The following PRDM11 variants were observed in gnomAD, a reference collection of about 807,000 sequenced individuals.
PRDM11 encodes PR/SET domain 11.
A neutral mutation model predicts 97.8 loss-of-function variants in PRDM11; 20 were observed. The ratio of observed to expected loss-of-function variants is 0.20; its 90% CI spans 0.14 to 0.30. The LOEUF is 0.30. Among genes scored for constraint, PRDM11 ranks in the 10% least tolerant of loss-of-function variants. The pLI is 1.00. For missense variants in PRDM11, 1,139 were observed against 1,555.2 expected (o/e 0.73, Z 4.50); for synonymous variants, 599 against 637.7 (o/e 0.94, Z 0.91).
In PRDM11 at chr11:45,227,266, A is replaced by G. The variant is rs555205581; in HGVS notation, c.2641A>G (p.Ile881Val). ...FLMDYQSIKL[I>V]YFLLDVIAVL... Reference sequence around the variant, plus strand: ...CATGGACTACCAGTCCATCAAGCTCATCTACTTCCTGCTGGACGTGATTGC... The same window carrying G: ...CATGGACTACCAGTCCATCAAGCTCGTCTACTTCCTGCTGGACGTGATTGC... The change falls in exon 8 of 8, where the codon ATC (isoleucine) becomes GTC (valine). Residue 881 changes from isoleucine to valine, a missense_variant. By Grantham distance (29) the Ile-to-Val change is conservative (BLOSUM62 3). Transcript: ENST00000683152. The surrounding 1 kb of genome is among the most constrained non-coding windows in gnomAD (Gnocchi z 8.0). 496 of 1,533,882 alleles carry G rather than the reference A, an allele frequency of 3.2e-4. 7 individuals carry two copies. The South Asian group carries it at 5.7e-3, about 18-fold the overall frequency.
chr11:45,185,516 T>A (rs2135745532), intron 4 of PRDM11, among the ~76,000 whole-genome samples: 1 of 151,848 alleles, frequency 6.6e-6, no homozygotes, highest in East Asian at 2.0e-4. Flanking sequence ...CAAGAGAGTT[T>A]GTTCATTAGA....
intron 1 of PRDM11, among the ~76,000 whole-genome samples, chr11:45,115,491 ACT>A (rs77593912): frequency 0.43 from 65,937 of 151,924 alleles, 17,247 homozygotes; most frequent in Non-Finnish European, 0.58. Context: ...TGGATTAAAC[ACT>A]CTAGTTAAAA....
chr11:45,113,788 TTGTGTGTGTGTGTGTGTGTG>T (rs142584346), intron 1 of PRDM11, among the ~76,000 whole-genome samples: 2 of 137,202 alleles, frequency 1.5e-5, no homozygotes, highest in African/African-American at 5.4e-5. Flanking sequence ...TGCTACTGAT[TTGTGTGTGTGTGTGTGTGTG>T]TGTGTGTGTG....
Position 45,226,918 on chromosome 11 carries a change from C to G in PRDM11, c.2293C>G (p.Pro765Ala). ...LLCLPFMVHR[P>A]HLEILDAISG... ...GTGCCTGCCCTTCATGGTGCACCGG[C>G]CCCACCTGGAGATCCTGGATGCCAT... Residue 765 changes from proline to alanine, a missense_variant, in exon 8 of 8, where the codon CCC becomes GCC. By Grantham distance (27) the Pro-to-Ala change is conservative. This residue lies in a region of PRDM11 where 710 missense variants were observed against 1,044.9 expected (regional missense o/e 0.68). Transcript: ENST00000683152. The G allele has an allele frequency of 6.5e-7, 1 of 1,533,972 alleles. No individual in the cohort carries two copies. Among genetic ancestry groups the G allele is most frequent in the Non-Finnish European group, 8.7e-7 (1 of 1,146,748 alleles).
intron 1 of PRDM11, among the ~76,000 whole-genome samples, chr11:45,120,639 C>T (rs564349639): frequency 6.6e-6 from 1 of 150,706 alleles, no homozygotes; most frequent in Non-Finnish European, 1.5e-5. Context: ...AAAAAAAAAA[C>T]CACATACAGA....
intron 1 of PRDM11, among the ~76,000 whole-genome samples, chr11:45,175,808 CACTCTTGCCA>C (rs142393091): frequency 0.023 from 3,542 of 152,310 alleles, 57 homozygotes; most frequent in Non-Finnish European, 0.036. Context: ...ATTTCCCCTA[CACTCTTGCCA>C]ACTCTGAATA....
chr11:45,096,720 C>T (rs1318932322), intron 1 of PRDM11, among the ~76,000 whole-genome samples: 2 of 152,188 alleles, frequency 1.3e-5, no homozygotes, highest in African/African-American at 4.8e-5. Flanking sequence ...TGATTATTTC[C>T]TGAGGAGATT....
At chr11:45,185,533 T>G (rs1852672817) in intron 4 of PRDM11, among the ~76,000 whole-genome samples, 1 of 152,020 alleles carries the variant, frequency 6.6e-6, no homozygotes, top group Non-Finnish European at 1.5e-5. Context: ...TAGAAAGACT[T>G]TAGCATCCTC....
At chr11:45,179,268 AC>A (rs1341760661) in intron 1 of PRDM11, among the ~76,000 whole-genome samples, 1 of 152,122 alleles carries the variant, frequency 6.6e-6, no homozygotes, top group Non-Finnish European at 1.5e-5. Context: ...ATTTGAAGCC[AC>A]CCCTTGATGA....
intron 1 of PRDM11, among the ~76,000 whole-genome samples, chr11:45,148,533 G>C (rs559082379): frequency 2.0e-4 from 30 of 152,278 alleles, no homozygotes; most frequent in African/African-American, 7.0e-4. Context: ...AGGAACAGCT[G>C]GTGGCAGGGT....
At chr11:45,095,843 T>C in exon 1 of PRDM11, 1 of 778,274 alleles carries the variant, frequency 1.3e-6, no homozygotes, top group Non-Finnish European at 2.4e-6. Context: ...TCCCTGATGA[T>C]CGTGGAGTGC....
intron 5 of PRDM11, among the ~76,000 whole-genome samples, chr11:45,217,865 G>A (rs947977681): frequency 6.6e-6 from 1 of 152,204 alleles, no homozygotes; most frequent in African/African-American, 2.4e-5. Context: ...GACAGTAATA[G>A]TTGCTTATTG....
intron 4 of PRDM11, among the ~76,000 whole-genome samples, chr11:45,183,483 C>T (rs532805749): frequency 1.3e-5 from 2 of 152,292 alleles, no homozygotes; most frequent in African/African-American, 4.8e-5. Flanking sequence ...GGATGCAGAG[C>T]ATGACTTCCC....
At chr11:45,165,327 A>G (rs1852036053) in intron 1 of PRDM11, among the ~76,000 whole-genome samples, 2 of 152,136 alleles carry the variant, frequency 1.3e-5, no homozygotes, top group South Asian at 4.1e-4. Context: ...CCATTCACCA[A>G]ATATGTATTG....
At chr11:45,097,530 C>T (rs143181428) in intron 1 of PRDM11, among the ~76,000 whole-genome samples, 5 of 151,602 alleles carry the variant, frequency 3.3e-5, no homozygotes, top group Non-Finnish European at 5.9e-5. Context: ...ACAAATCACT[C>T]AAGATCACAC....
chr11:45,121,025 A>G (rs1349044158), intron 1 of PRDM11, among the ~76,000 whole-genome samples: 1 of 152,180 alleles, frequency 6.6e-6, no homozygotes, highest in Non-Finnish European at 1.5e-5. Context: ...TGAAAGAAAA[A>G]AAGAACATAT....
intron 4 of PRDM11, among the ~76,000 whole-genome samples, chr11:45,199,921 G>A (rs714927): frequency 0.58 from 88,713 of 152,076 alleles, 28,666 homozygotes; most frequent in Non-Finnish European, 0.74. Context: ...AGATTCCCAG[G>A]TCCAGGGCTG....
rs755641215 is a variant in PRDM11, at chr11:45,224,721, G to A, written c.1247G>A (p.Arg416His). The change falls in exon 7 of 8, where the codon CGC (arginine) becomes CAC (histidine). Residue 416 changes from arginine (R) to histidine (H), a missense_variant. Arg to His is a conservative substitution (Grantham distance 29). This residue lies in a region of PRDM11 where 710 missense variants were observed against 1,044.9 expected (regional missense o/e 0.68). Transcript: ENST00000683152. ...PTTSFCPNCI[R>H]LKKKVRELQA... is the part of the protein sequence containing the mutation. ...ACCTCTTTTTGCCCTAACTGTATTC[G>A]CCTAAAGAAGAAGGTTCGGGAGCTC... 10 of 1,613,970 alleles carry A rather than the reference G, an allele frequency of 6.2e-6. No individual in the cohort carries two copies. The highest frequency in any genetic ancestry group is 2.2e-5 in the East Asian group (1 of 44,890).
Position 45,224,770 on chromosome 11 carries a change from GTC to G in PRDM11, c.1298_1299del (p.Ser433TrpfsTer5). 1 of 1,614,226 alleles carries G rather than the reference GTC, an allele frequency of 6.2e-7. No homozygotes were observed. The highest frequency in any genetic ancestry group is 8.5e-7 in the Non-Finnish European group (1 of 1,180,036). On this transcript the variant is annotated frameshift_variant, in exon 7 of 8. Coordinates refer to ENST00000683152, the MANE Select transcript of PRDM11 (RefSeq NM_001384648.1). LOFTEE classifies it high-confidence loss of function. ...ELQAELDMLK[S>X]GKLPEPPVLP... ...TCCAGGCAGAATTAGACATGCTTAA[GTC>G]TGGGAAACTTCCTGAGCCCCCCGTA...
Sources: allele counts gnomAD v4.1 joint callset (sites outside exome capture counted in the v4.1 genomes callset), GRCh38; gene constraint gnomAD v4.1.1; regional missense constraint gnomAD v4.1.1; non-coding constraint Gnocchi (gnomAD v3.1); transcripts MANE v1.5; gene names NCBI Gene and HGNC (gene_info 2026-07-23, HGNC 2026-07-21).